TRAK2: variants seen among roughly 807,000 people sequenced by gnomAD.
TRAK2 encodes the protein trafficking kinesin-binding protein 2.
TRAK2 carries 81 observed loss-of-function variants against 104.6 expected under a neutral mutation model. That is an observed-to-expected ratio of 0.77 (90% CI 0.65 to 0.93). The LOEUF (loss-of-function observed/expected upper bound fraction) is 0.93, where lower values mean the gene tolerates loss of function less well. TRAK2 is among the 40% of genes least tolerant of loss of function. The pLI is 0.00. For synonymous variants in TRAK2, 406 were observed against 394.4 expected, an observed-to-expected ratio of 1.03 and a Z score of -0.35; for missense variants, 1,002 against 1,089.0, an observed-to-expected ratio of 0.92 and a Z score of 1.12.
intron 3 of TRAK2, 79 bp downstream of exon 3, chr2:201,407,324 A>G: frequency 8.1e-7 from 1 of 1,228,116 alleles, no homozygotes. Context: ...ACTAAACATC[A>G]GTGCTTTAAA....
At chr2:201,424,704 G>A (rs1036417709) in intron 1 of TRAK2, among the ~76,000 whole-genome samples, 3 of 151,994 alleles carry the variant, frequency 2.0e-5, no homozygotes, top group East Asian at 1.9e-4. Flanking sequence ...CCGGGTTCAC[G>A]CCATTCTCCT....
Position 201,380,511 on chromosome 2 carries a change from A to G in TRAK2, c.*32T>C, listed in dbSNP as rs1339360058. ...GTGCATATCTATCCTTCATGTGCTAACTTGTATAAAAGGTCAGTTAACTGC... is the reference window on the plus strand; with the variant it reads ...GTGCATATCTATCCTTCATGTGCTAGCTTGTATAAAAGGTCAGTTAACTGC... On this transcript the variant is annotated 3_prime_UTR_variant, in exon 16 of 16. Transcript: ENST00000332624. 1.2e-6 allele frequency: 2 copies of G among 1,600,914 alleles called. No homozygotes were observed. Among genetic ancestry groups the G allele is most frequent in the African/African-American group, 2.7e-5 (2 of 74,574 alleles).
intron 3 of TRAK2, among the ~76,000 whole-genome samples, chr2:201,403,506 T>C (rs1041138557): frequency 1.3e-5 from 2 of 152,166 alleles, no homozygotes; most frequent in Non-Finnish European, 1.5e-5. Flanking sequence ...AAAAAAGACC[T>C]TGTCTAATGA....
intron 10 of TRAK2, among the ~76,000 whole-genome samples, chr2:201,392,046 A>C (rs569191235): frequency 6.6e-6 from 1 of 152,262 alleles, no homozygotes; most frequent in Non-Finnish European, 1.5e-5. Flanking sequence ...AAGAGTGTCC[A>C]AATGTCCTCG....
intron 1 of TRAK2, among the ~76,000 whole-genome samples, chr2:201,424,854 G>A (rs971863816): frequency 3.3e-5 from 5 of 151,818 alleles, no homozygotes; most frequent in Non-Finnish European, 7.4e-5. Flanking sequence ...TGATCCGCCC[G>A]CCTCGGCCTC....
intron 3 of TRAK2, among the ~76,000 whole-genome samples, chr2:201,402,318 T>C (rs1032839631): frequency 6.6e-6 from 1 of 152,086 alleles, no homozygotes; most frequent in African/African-American, 2.4e-5. Context: ...AGATATGTTT[T>C]ACTTTTATCT....
At chr2:201,405,540 G>T (rs1012075183) in intron 3 of TRAK2, among the ~76,000 whole-genome samples, 1 of 152,056 alleles carries the variant, frequency 6.6e-6, no homozygotes, top group African/African-American at 2.4e-5. Context: ...TGGAGTAGGG[G>T]GCCCAAGAAT....
chr2:201,433,050 A>T (rs1951854735), intron 1 of TRAK2, among the ~76,000 whole-genome samples: 1 of 152,232 alleles, frequency 6.6e-6, no homozygotes, highest in South Asian at 2.1e-4. Context: ...TATTTTTGAC[A>T]AAGACAGAGA....
chr2:201,400,151 G>A (rs1304219768), intron 4 of TRAK2, among the ~76,000 whole-genome samples: 1 of 142,610 alleles, frequency 7.0e-6, no homozygotes, highest in Non-Finnish European at 1.6e-5. Flanking sequence ...GTAATGCAGG[G>A]AAGTCTGTAG....
intron 1 of TRAK2, among the ~76,000 whole-genome samples, chr2:201,436,571 T>C (rs928994884): frequency 1.3e-5 from 2 of 152,216 alleles, no homozygotes; most frequent in African/African-American, 4.8e-5. Flanking sequence ...CACTTTCACA[T>C]AGCAGTAAGG....
At chr2:201,400,869 T>C (rs1951544565) in intron 4 of TRAK2, 149 bp downstream of exon 4, 1 of 499,232 alleles carries the variant, frequency 2.0e-6, no homozygotes, top group East Asian at 3.1e-5. Context: ...CATTCTACTT[T>C]GAAATGTCAG....
intron 15 of TRAK2, among the ~76,000 whole-genome samples, chr2:201,381,651 T>G (rs1369589448): frequency 6.6e-6 from 1 of 152,188 alleles, no homozygotes; most frequent in African/African-American, 2.4e-5. Context: ...GAGACAATAA[T>G]CCATGGGTAA....
chr2:201,425,833 C>T (rs889791086), intron 1 of TRAK2, among the ~76,000 whole-genome samples: 2 of 152,012 alleles, frequency 1.3e-5, no homozygotes, highest in African/African-American at 4.8e-5. Context: ...CATACTGGTC[C>T]ACACTGATTC....
In TRAK2 at chr2:201,380,536, CTGAA is replaced by C. The variant is rs767570559; in HGVS notation, c.*3_*6del. 1.2e-6 allele frequency: 2 copies of C among 1,612,260 alleles called. No homozygotes were observed. Among genetic ancestry groups the C allele is most frequent in the East Asian group, 4.5e-5 (2 of 44,866 alleles). On this transcript the variant is annotated 3_prime_UTR_variant, in exon 16 of 16. Coordinates refer to ENST00000332624, the MANE Select transcript of TRAK2 (RefSeq NM_015049.3). Reference sequence around the variant, plus strand: ...ACTTGTATAAAAGGTCAGTTAACTGCTGAACCTCAGTCCTCCTTCAGGACACCCA... The same window carrying C: ...ACTTGTATAAAAGGTCAGTTAACTGCCCTCAGTCCTCCTTCAGGACACCCA...
At chr2:201,389,064 G>A (rs756625170) in intron 12 of TRAK2, among the ~76,000 whole-genome samples, 2 of 152,092 alleles carry the variant, frequency 1.3e-5, no homozygotes, top group Non-Finnish European at 2.9e-5. Context: ...TTATGAGCAC[G>A]GATTATGAGA....
intron 1 of TRAK2, among the ~76,000 whole-genome samples, chr2:201,429,011 T>C (rs946062293): frequency 6.6e-6 from 1 of 152,232 alleles, no homozygotes; most frequent in Non-Finnish European, 1.5e-5. Context: ...TTTTTGCACA[T>C]TGATTTTGTA....
chr2:201,397,556 C>A lies in TRAK2; in HGVS notation c.715G>T (p.Val239Phe). Residue 239 changes from valine (V) to phenylalanine (F), a missense_variant, in exon 7 of 16, where the codon GTT (valine) becomes TTT (phenylalanine). Val to Phe is a conservative substitution (Grantham distance 50, BLOSUM62 -1). Transcript: ENST00000332624. ...SKACHIKTETVTYEEKEQQLV... is the reference protein window; with the variant it reads ...SKACHIKTETFTYEEKEQQLV... ...TGTTGTTCCTTTTCTTCATAGGTAA[C>A]AGTTTCTGTCTTTATGTGACAAGCC... The A allele has an allele frequency of 1.2e-6, 2 of 1,612,750 alleles. No homozygotes were observed. The highest frequency in any genetic ancestry group is 1.7e-6 in the Non-Finnish European group (2 of 1,179,118).
chr2:201,426,666 A>G (rs1237196523), intron 1 of TRAK2, among the ~76,000 whole-genome samples: 1 of 152,204 alleles, frequency 6.6e-6, no homozygotes, highest in African/African-American at 2.4e-5. Flanking sequence ...AATAGAGAAA[A>G]CCAAGTTGAA....
intron 1 of TRAK2, among the ~76,000 whole-genome samples, chr2:201,434,107 G>A (rs759823611): frequency 6.6e-6 from 1 of 152,078 alleles, no homozygotes; most frequent in Admixed American, 6.5e-5. Flanking sequence ...ACAGGCGTCC[G>A]CCACCGCGCC....
Sources: gnomAD v4.1 joint callset for allele counts (sites outside exome capture counted in the v4.1 genomes callset) on GRCh38, gnomAD v4.1.1 for gene constraint, MANE v1.5 for transcripts, NCBI Gene and HGNC (gene_info 2026-07-23, HGNC 2026-07-21) for gene names.